PALM2AKAP2: variants seen among roughly 807,000 people sequenced by gnomAD.
The protein encoded by PALM2AKAP2 is PALM2 and AKAP2 fusion.
In PALM2AKAP2, 37 loss-of-function variants were observed where a neutral mutation model predicts 71.5. The ratio of observed to expected loss-of-function variants is 0.52; its 90% CI spans 0.40 to 0.68. The LOEUF (loss-of-function observed/expected upper bound fraction) is 0.68, where lower values mean the gene tolerates loss of function less well. Among genes scored for constraint, PALM2AKAP2 ranks in the 30% least tolerant of loss-of-function variants. The probability of loss-of-function intolerance (pLI) is 0.00; values close to 1 mark genes in which losing one functional copy is unlikely to be tolerated. For synonymous variants in PALM2AKAP2, 468 were observed against 478.8 expected (o/e 0.98, Z 0.29); for missense variants, 1,224 against 1,191.8 (o/e 1.03, Z -0.40).
At chr9:109,854,034 G>C (rs1456253502) in intron 1 of PALM2AKAP2, among the ~76,000 whole-genome samples, 1 of 152,208 alleles carries the variant, frequency 6.6e-6, no homozygotes, top group African/African-American at 2.4e-5. Flanking sequence ...ACTTGGAGCT[G>C]TCCCTATACC....
intron 1 of PALM2AKAP2, among the ~76,000 whole-genome samples, chr9:109,723,224 G>A (rs531130404): frequency 4.6e-5 from 7 of 152,286 alleles, no homozygotes; most frequent in Admixed American, 3.3e-4. Flanking sequence ...GCCCATCTCC[G>A]CTAGGAAACC....
chr9:109,840,581 A>C lies in PALM2AKAP2; in HGVS notation c.46-26910A>C, dbSNP rs1013822602. On this transcript the variant is annotated intron_variant, in intron 1 of 9. Transcript: ENST00000302798. Reference sequence around the variant, plus strand: ...AAACTACCATCAGAGTGAACAGGCAACCTACAGAATGGGAGAACATTTTTG... The same window carrying C: ...AAACTACCATCAGAGTGAACAGGCACCCTACAGAATGGGAGAACATTTTTG... Among the ~76,000 whole-genome samples the C allele has an allele frequency of 2.9e-4, 44 of 152,334 alleles. 1 individual carries two copies. Among genetic ancestry groups the C allele is most frequent in the Middle Eastern group, 3.4e-3 (1 of 294 alleles).
At chr9:109,904,909 G>T in intron 3 of PALM2AKAP2, among the ~76,000 whole-genome samples, 1 of 152,288 alleles carries the variant, frequency 6.6e-6, no homozygotes, top group South Asian at 2.1e-4. Flanking sequence ...TGGACGTTAT[G>T]CAAGCCACTT....
intron 5 of PALM2AKAP2, 51 bp downstream of exon 5, chr9:109,925,133 T>C (rs1443849048): frequency 3.7e-6 from 6 of 1,612,364 alleles, no homozygotes; most frequent in African/African-American, 1.3e-5. Context: ...CCTGGTCAGC[T>C]TAGGGGGTTT....
intron 6 of PALM2AKAP2, among the ~76,000 whole-genome samples, chr9:109,950,065 G>A (rs1020004397): frequency 2.6e-5 from 4 of 152,132 alleles, no homozygotes; most frequent in Non-Finnish European, 2.9e-5. Context: ...CAGGAGGATA[G>A]TGTGAGCCCA....
chr9:109,861,806 C>T (rs979470983), intron 1 of PALM2AKAP2, among the ~76,000 whole-genome samples: 5 of 152,154 alleles, frequency 3.3e-5, no homozygotes, highest in Non-Finnish European at 7.4e-5. Flanking sequence ...CATTAGGACA[C>T]TTCTGGTTTT....
At chr9:109,655,850 G>C (rs1332247276) in intron 1 of PALM2AKAP2, among the ~76,000 whole-genome samples, 5 of 152,096 alleles carry the variant, frequency 3.3e-5, no homozygotes, top group East Asian at 1.9e-4. Context: ...TGGACATTTG[G>C]GTTGTTTCCC....
chr9:110,003,430 G>T (rs1391107585), intron 6 of PALM2AKAP2, among the ~76,000 whole-genome samples: 1 of 152,158 alleles, frequency 6.6e-6, no homozygotes, highest in Non-Finnish European at 1.5e-5. Flanking sequence ...TACATTTGCT[G>T]AGGAGGGCTT....
At chr9:109,964,721 A>G (rs1412254579) in intron 6 of PALM2AKAP2, among the ~76,000 whole-genome samples, 2 of 152,154 alleles carry the variant, frequency 1.3e-5, no homozygotes, top group Admixed American at 1.3e-4. Flanking sequence ...GGACTTGAGT[A>G]TAACTTTGCT....
intron 6 of PALM2AKAP2, among the ~76,000 whole-genome samples, chr9:109,937,254 G>A (rs1235479713): frequency 6.6e-6 from 1 of 152,122 alleles, no homozygotes; most frequent in Non-Finnish European, 1.5e-5. Context: ...TGGTTTTTAG[G>A]TGGGCACCTT....
intron 1 of PALM2AKAP2, among the ~76,000 whole-genome samples, chr9:110,053,540 A>AAG (rs1478300962): frequency 6.6e-6 from 1 of 151,002 alleles, no homozygotes; most frequent in Non-Finnish European, 1.5e-5. Context: ...AAAAAAAAAA[A>AAG]AAAAAAAAGA....
chr9:110,018,441 C>T (rs979202071), intron 7 of PALM2AKAP2, among the ~76,000 whole-genome samples: 11 of 152,242 alleles, frequency 7.2e-5, no homozygotes, highest in African/African-American at 2.6e-4. Context: ...AGGGATTCTC[C>T]CACCTCAGCC....
chr9:109,799,670 A>AT (rs1290287236), intron 1 of PALM2AKAP2, among the ~76,000 whole-genome samples: 2 of 151,858 alleles, frequency 1.3e-5, no homozygotes, highest in African/African-American at 4.8e-5. Context: ...ATTTTTTTGT[A>AT]TTTTTTGTAG....
At chr9:109,735,076 C>A (rs1395883366) in intron 1 of PALM2AKAP2, among the ~76,000 whole-genome samples, 2 of 151,616 alleles carry the variant, frequency 1.3e-5, no homozygotes, top group Non-Finnish European at 2.9e-5. Context: ...TTACCTTGGG[C>A]AAGACAAGGC....
intron 6 of PALM2AKAP2, among the ~76,000 whole-genome samples, chr9:109,984,862 C>T (rs1488107112): frequency 6.6e-6 from 1 of 151,710 alleles, no homozygotes; most frequent in African/African-American, 2.4e-5. Context: ...AACAGAGCCA[C>T]ACCCTGTCTC....
At chr9:109,916,908 A>G (rs773470231) in intron 3 of PALM2AKAP2, among the ~76,000 whole-genome samples, 8 of 152,200 alleles carry the variant, frequency 5.3e-5, no homozygotes, top group Non-Finnish European at 1.2e-4. Flanking sequence ...AGGTAGAATA[A>G]TGGACCCCCA....
Position 109,891,120 on chromosome 9 carries a change from G to T in PALM2AKAP2, c.257+10439G>T, listed in dbSNP as rs542335581. ...CTGTACAGCATGGGGCTGCCAGCTT[G>T]ACCAGATTCTAGCTGGAAGGATCAG... On this transcript the variant is annotated intron_variant, in intron 3 of 9. Transcript: ENST00000302798. 3.3e-5 allele frequency among the ~76,000 whole-genome samples: 5 copies of T among 152,324 alleles called. No homozygotes were observed. In the South Asian group the frequency reaches 1.0e-3, roughly 32 times the overall value.
At chr9:109,733,989 A>G (rs1448458563) in intron 1 of PALM2AKAP2, among the ~76,000 whole-genome samples, 1 of 152,222 alleles carries the variant, frequency 6.6e-6, no homozygotes, top group Non-Finnish European at 1.5e-5. Context: ...ACTGCAAAGG[A>G]GAGGTGTGGC....
intron 1 of PALM2AKAP2, among the ~76,000 whole-genome samples, chr9:109,712,862 C>G (rs1483985076): frequency 1.3e-5 from 2 of 152,200 alleles, no homozygotes; most frequent in Admixed American, 6.5e-5. Context: ...CACTGTTAGA[C>G]CATGATAACA....
Sources: gnomAD v4.1 joint callset for allele counts (sites outside exome capture counted in the v4.1 genomes callset) on GRCh38, gnomAD v4.1.1 for gene constraint, MANE v1.5 for transcripts, NCBI Gene and HGNC (gene_info 2026-07-23, HGNC 2026-07-21) for gene names.